Variants in CD209 observed in about 807,000 individuals in gnomAD.
The protein encoded by CD209 is CD209 antigen.
In CD209, 31 loss-of-function variants were observed where a neutral mutation model predicts 44.7. The observed-to-expected ratio is 0.69, with a 90% confidence interval of 0.52 to 0.94. The LOEUF is 0.94. Ranked by LOEUF, CD209 falls within the 40% of genes least tolerant of loss-of-function variation. CD209 has a pLI of 0.00. For synonymous variants in CD209, 173 were observed against 181.3 expected (o/e 0.95, Z 0.37); for missense variants, 407 against 452.4 (o/e 0.90, Z 0.91).
At position 7,740,569 on chromosome 19, in the gene CD209, G is replaced by A. The variant is rs923455572; in HGVS notation, c.*2470C>T. The A allele has an allele frequency of 4.0e-5, 37 of 931,292 alleles. No individual in the cohort carries two copies. Among genetic ancestry groups the A allele is most frequent in the Non-Finnish European group, 6.3e-5 (35 of 558,850 alleles). 57.7% of individuals were successfully genotyped at this position (931,292 alleles called of 1,614,324 possible). On this transcript the variant is annotated 3_prime_UTR_variant, in exon 7 of 7. Transcript: ENST00000315599. ...CGCCAGCAGGAACTTGCTCCACTGA[G>A]GGACTCAGGACTCTCACAGAAAGAG...
At chr19:7,744,344 G>GGTATACT in intron 5 of CD209, 125 bp from the exon 6 acceptor site, 1 of 690,566 alleles carries the variant, frequency 1.4e-6, no homozygotes, top group African/African-American at 1.8e-5. Flanking sequence ...ACTAGGTCCT[G>GGTATACT]AGCCCCCTCG....
chr19:7,747,480 T>A lies in CD209; in HGVS notation c.32A>T (p.Gln11Leu). 1 of 1,614,226 alleles carries A rather than the reference T, an allele frequency of 6.2e-7. No homozygotes were observed. Among genetic ancestry groups the A allele is most frequent in the Non-Finnish European group, 8.5e-7 (1 of 1,180,034 alleles). The change falls in exon 1 of 7, where the codon CAG becomes CTG. Residue 11 changes from glutamine (Q) to leucine (L), a missense_variant. By Grantham distance (113) the Gln-to-Leu change is moderately radical. This residue lies in a region of CD209 where 122 missense variants were observed against 110.3 expected (regional missense o/e 1.11). Transcript: ENST00000315599. ...CCCAGCCTCACCCAGGAGGCCCAGC[T>A]GCTGCAGTCTTGGTTCCTTGGAGTC... MSDSKEPRLQ[Q>L]LGLLEEEQLR... is the part of the protein sequence containing the mutation.
chr19:7,742,940 C>T lies in CD209; in HGVS notation c.*99G>A. The T allele has an allele frequency of 1.0e-6, 1 of 1,004,242 alleles. No individual in the cohort carries two copies. The highest frequency in any genetic ancestry group is 1.5e-6 in the Non-Finnish European group (1 of 648,938). The allele number at this position is 1,004,242 out of a possible 1,614,324, so 62.2% of individuals were successfully genotyped here. ...GAAGGACAGAATGGGACCCAGCCTT[C>T]TAAAGGAGGAAGAATCTGACAAAGA... On this transcript the variant is annotated 3_prime_UTR_variant, in exon 7 of 7. Transcript: ENST00000315599.
intron 6 of CD209, 28 bp downstream of exon 6, chr19:7,744,079 T>C: frequency 6.5e-7 from 1 of 1,546,276 alleles, no homozygotes; most frequent in South Asian, 1.1e-5. Context: ...CCAGCCCCAG[T>C]GGATAGGGTG....
At position 7,744,225 on chromosome 19, in the gene CD209, G is replaced by A. The variant is rs546210661; in HGVS notation, c.901-6C>T. ...GACTGCAGCTGTAGGAAGTTCTGGA[G>A]GGTACAGGAGGAGTCAGGAGGGAGC... is the stretch of plus-strand genomic sequence containing the variant. On this transcript the variant is annotated splice_region_variant and splice_polypyrimidine_tract_variant and intron_variant, in intron 5 of 6. Coordinates refer to ENST00000315599, the MANE Select transcript of CD209 (RefSeq NM_021155.4). 4.1e-5 allele frequency: 65 copies of A among 1,602,022 alleles called. No homozygotes were observed. The highest frequency in any genetic ancestry group is 2.2e-4 in the Admixed American group (13 of 59,976).
Position 7,742,986 on chromosome 19 carries a change from A to C in CD209, c.*53T>G, listed in dbSNP as rs1253952410. 25 of 1,368,154 alleles carry C rather than the reference A, an allele frequency of 1.8e-5. No individual in the cohort carries two copies. Among genetic ancestry groups the C allele is most frequent in the Non-Finnish European group, 2.4e-5 (23 of 959,382 alleles). The allele number at this position is 1,368,154 out of a possible 1,614,324, so 84.8% of individuals were successfully genotyped here. ...AAAGAACAGTCCCAGAGATTTTGTG[A>C]AGGTCGAAGGATGGAGAGAAGGAAC... is the stretch of plus-strand genomic sequence containing the variant. On this transcript the variant is annotated 3_prime_UTR_variant, in exon 7 of 7. Transcript: ENST00000315599.
chr19:7,745,143 C>T (rs767293157), intron 4 of CD209, 51 bp from the exon 5 acceptor site: 16 of 1,604,576 alleles, frequency 1.0e-5, no homozygotes, highest in Non-Finnish European at 1.3e-5. Context: ...TGTCCATATT[C>T]CTGTACCTGC....
At position 7,741,247 on chromosome 19, in the gene CD209, G is replaced by T; in HGVS notation, c.*1792C>A. On this transcript the variant is annotated 3_prime_UTR_variant, in exon 7 of 7. Transcript: ENST00000315599. The stretch of plus-strand genomic sequence containing the variant: ...AGCACTTTGGGAGGACGCGGCGGGC[G>T]AATCACGAGGTCAAGAGATCGAGAC... 1 of 490,954 alleles carries T rather than the reference G, an allele frequency of 2.0e-6. No homozygotes were observed. The highest frequency in any genetic ancestry group is 2.8e-5 in the South Asian group (1 of 35,706). 30.4% of individuals were successfully genotyped at this position (490,954 alleles called of 1,614,324 possible). A position where few individuals can be genotyped will look rare whatever the true frequency, so the allele number is the denominator to read the frequency against.
Position 7,745,865 on chromosome 19 carries a change from AC to A in CD209, c.400del (p.Val134TrpfsTer17). 6.2e-7 allele frequency: 1 copy of A among 1,612,118 alleles called. No homozygotes were observed. Among genetic ancestry groups the A allele is most frequent in the Non-Finnish European group, 8.5e-7 (1 of 1,179,790 alleles). On this transcript the variant is annotated frameshift_variant, in exon 4 of 7. Coordinates refer to ENST00000315599, the MANE Select transcript of CD209 (RefSeq NM_021155.4). LOFTEE classifies it high-confidence loss of function. Reference sequence around the variant, plus strand: ...CTTAGATTTCTCTGGAAGCTCACCCACTGCAGCCTTCAGCCGGGTCAGCTCC... The same window carrying A: ...CTTAGATTTCTCTGGAAGCTCACCCATGCAGCCTTCAGCCGGGTCAGCTCC... ...YQELTRLKAA[V>X]GELPEKSKLQ... is the part of the protein sequence containing the mutation.
rs909393873 is a variant in CD209 at position 7,741,226 on chromosome 19, C to T, written c.*1813G>A. On this transcript the variant is annotated 3_prime_UTR_variant, in exon 7 of 7. Transcript: ENST00000315599. ...GTGGCTCAGGCCTGTAATCCCAGCA[C>T]TTTGGGAGGACGCGGCGGGCGAATC... The T allele has an allele frequency of 3.7e-5, 22 of 593,146 alleles. No individual in the cohort carries two copies. The Middle Eastern group carries it at 8.5e-4, about 23-fold the overall frequency. The allele number at this position is 593,146 out of a possible 1,614,324, so 36.7% of individuals were successfully genotyped here.
In CD209 at chr19:7,741,136, C is replaced by A; in HGVS notation, c.*1903G>T. ...GTACAGCGAGGAAGAAACCTACCAA[C>A]AGTTCCTAGATTTCTGTGAGGATGT... On this transcript the variant is annotated 3_prime_UTR_variant, in exon 7 of 7. Transcript: ENST00000315599. 1 of 1,081,162 alleles carries A rather than the reference C, an allele frequency of 9.2e-7. No individual in the cohort carries two copies. The allele number at this position is 1,081,162 out of a possible 1,614,324, so 67.0% of individuals were successfully genotyped here. A position where few individuals can be genotyped will look rare whatever the true frequency, so the allele number is the denominator to read the frequency against.
chr19:7,743,607 A>C (rs1297588737), intron 6 of CD209, among the ~76,000 whole-genome samples: 1 of 152,106 alleles, frequency 6.6e-6, no homozygotes, highest in African/African-American at 2.4e-5. Flanking sequence ...CCCAGAGCCC[A>C]AAAAATGCTT....
At position 7,740,740 on chromosome 19, in the gene CD209, G is replaced by A. The variant is rs2146310294; in HGVS notation, c.*2299C>T. ...GAAAAGGAAGAGGTGGCTAGAAAACGGCAAGAACAAGAGCGAAAGTTAAAG... is the reference window on the plus strand; with the variant it reads ...GAAAAGGAAGAGGTGGCTAGAAAACAGCAAGAACAAGAGCGAAAGTTAAAG... On this transcript the variant is annotated 3_prime_UTR_variant, in exon 7 of 7. Transcript: ENST00000315599. The A allele has an allele frequency of 3.9e-6, 3 of 766,072 alleles. No homozygotes were observed. The highest frequency in any genetic ancestry group is 2.7e-5 in the South Asian group (2 of 73,482). The allele number at this position is 766,072 out of a possible 1,614,324, so 47.5% of individuals were successfully genotyped here.
In CD209 at chr19:7,742,793, G is replaced by A; in HGVS notation, c.*246C>T. ...AATATCCTAATCTCCAAAAGGAAGA[G>A]AGAGTGGATTCTTGGAACACAAGTC... On this transcript the variant is annotated 3_prime_UTR_variant, in exon 7 of 7. Coordinates refer to ENST00000315599, the MANE Select transcript of CD209 (RefSeq NM_021155.4). 1 of 570,798 alleles carries A rather than the reference G, an allele frequency of 1.8e-6. No individual in the cohort carries two copies. Among genetic ancestry groups the A allele is most frequent in the African/African-American group, 1.9e-5 (1 of 53,480 alleles). 35.4% of individuals were successfully genotyped at this position (570,798 alleles called of 1,614,324 possible). A position where few individuals can be genotyped will look rare whatever the true frequency, so the allele number is the denominator to read the frequency against.
chr19:7,746,143 C>G, intron 3 of CD209, 56 bp from the exon 4 acceptor site: 1 of 1,605,140 alleles, frequency 6.2e-7, no homozygotes, highest in East Asian at 2.2e-5. Flanking sequence ...TGTGCCAAGC[C>G]TTGAACTGAG....
At chr19:7,747,144 G>A (rs1199229269) in intron 2 of CD209, among the ~76,000 whole-genome samples, 162 bp downstream of exon 2, 1 of 151,456 alleles carries the variant, frequency 6.6e-6, no homozygotes, top group African/African-American at 2.4e-5. Flanking sequence ...CCAGGAACCA[G>A]GAATTCAGGC....
In CD209 at chr19:7,740,799, G is replaced by C; in HGVS notation, c.*2240C>G. The C allele has an allele frequency of 1.3e-6, 1 of 759,104 alleles. No homozygotes were observed. The highest frequency in any genetic ancestry group is 1.4e-5 in the South Asian group (1 of 73,000). 47.0% of individuals were successfully genotyped at this position (759,104 alleles called of 1,614,324 possible). A position where few individuals can be genotyped will look rare whatever the true frequency, so the allele number is the denominator to read the frequency against. On this transcript the variant is annotated 3_prime_UTR_variant, in exon 7 of 7. Transcript: ENST00000315599. ...GGAAGAACAGCAGAGGAAAGAGAGA[G>C]AGGAGGAGGAACAGAAACGACAGAA...
chr19:7,743,290 G>A (rs1399885659), intron 6 of CD209, 50 bp from the exon 7 acceptor site: 2 of 1,506,134 alleles, frequency 1.3e-6, no homozygotes, highest in African/African-American at 1.4e-5. Flanking sequence ...AGCTACATGA[G>A]CTGTGTTTCT....
In CD209 at chr19:7,741,605, A is replaced by G. The variant is rs2033616215; in HGVS notation, c.*1434T>C. Reference sequence around the variant, plus strand: ...ATATATGTTCAGTACCAGTCGGAAGAAGAATGCCAAGCAGCTCTTTCTCTG... The same window carrying G: ...ATATATGTTCAGTACCAGTCGGAAGGAGAATGCCAAGCAGCTCTTTCTCTG... On this transcript the variant is annotated 3_prime_UTR_variant, in exon 7 of 7. Transcript: ENST00000315599. 1.1e-6 allele frequency: 1 copy of G among 873,734 alleles called. No homozygotes were observed. The highest frequency in any genetic ancestry group is 3.5e-5 in the East Asian group (1 of 28,872). 54.1% of individuals were successfully genotyped at this position (873,734 alleles called of 1,614,324 possible). A position where few individuals can be genotyped will look rare whatever the true frequency, so the allele number is the denominator to read the frequency against.
Sources: allele counts gnomAD v4.1 joint callset (sites outside exome capture counted in the v4.1 genomes callset), GRCh38; gene constraint gnomAD v4.1.1; regional missense constraint gnomAD v4.1.1; transcripts MANE v1.5; gene names NCBI Gene and HGNC (gene_info 2026-07-23, HGNC 2026-07-21).